NCOR1: variants seen among roughly 807,000 people sequenced by gnomAD.
NCOR1 encodes the protein protein phosphatase 1, regulatory subunit 109.
A neutral mutation model predicts 288.1 loss-of-function variants in NCOR1; 63 were observed. The observed-to-expected ratio is 0.22, with a 90% confidence interval of 0.18 to 0.27. NCOR1 has a LOEUF of 0.27. NCOR1 is among the 10% of genes least tolerant of loss of function. The probability of loss-of-function intolerance (pLI) is 1.00; values close to 1 mark genes in which losing one functional copy is unlikely to be tolerated. For missense variants in NCOR1, 2,397 were observed against 3,019.2 expected, an observed-to-expected ratio of 0.79 and a Z score of 4.83; for synonymous variants, 1,007 against 1,065.9, an observed-to-expected ratio of 0.94 and a Z score of 1.08.
chr17:16,144,682 T>C (rs1047988696), intron 10 of NCOR1, among the ~76,000 whole-genome samples: 5 of 152,130 alleles, frequency 3.3e-5, no homozygotes, highest in African/African-American at 4.8e-5. Context: ...ATAAACTTTC[T>C]TCATGATCAG....
intron 3 of NCOR1, among the ~76,000 whole-genome samples, chr17:16,186,349 C>T (rs1266155743): frequency 6.6e-6 from 1 of 152,126 alleles, no homozygotes; most frequent in Middle Eastern, 3.2e-3. Context: ...TGCCTTTCTA[C>T]TAAATAATAT....
chr17:16,119,791 C>T (rs1019889892), intron 16 of NCOR1, among the ~76,000 whole-genome samples: 1 of 151,598 alleles, frequency 6.6e-6, no homozygotes, highest in East Asian at 1.9e-4. Flanking sequence ...GTGATCTCCA[C>T]CTCTCCTCTC....
chr17:16,127,321 A>ATG lies in NCOR1; in HGVS notation c.1510-1116_1510-1115insCA, dbSNP rs2074457123. Among the ~76,000 whole-genome samples the ATG allele has an allele frequency of 2.1e-5, 2 of 96,146 alleles. 1 individual carries two copies. Among genetic ancestry groups the ATG allele is most frequent in the African/African-American group, 8.6e-5 (2 of 23,344 alleles). The allele number at this position is 96,146 out of a possible 152,430, so 63.1% of individuals were successfully genotyped here. On this transcript the variant is annotated intron_variant, in intron 14 of 45. Transcript: ENST00000268712. ...TGTATGTATATATACATGTATGTAT[A>ATG]TATGTATGTATATATACATGTATGT...
intron 15 of NCOR1, 92 bp from the exon 16 acceptor site, chr17:16,121,361 T>A (rs1436718067): frequency 9.7e-7 from 1 of 1,029,388 alleles, no homozygotes; most frequent in Non-Finnish European, 1.4e-6. Flanking sequence ...AAATAGAAAT[T>A]GAATAAAACT....
Position 16,040,447 on chromosome 17 carries a change from T to C in NCOR1, c.6727A>G (p.Thr2243Ala). 1 of 1,613,734 alleles carries C rather than the reference T, an allele frequency of 6.2e-7. No homozygotes were observed. The change falls in exon 43 of 46, where the codon ACG (threonine) becomes GCG (alanine). Residue 2243 changes from threonine to alanine, a missense_variant. By Grantham distance (58) the Thr-to-Ala change is moderately conservative. Transcript: ENST00000268712. ...AATGTCTTTTCAATCTTACCTGACG[T>C]AGTAACTGCTGGCAGATTAAAGATC... is the stretch of plus-strand genomic sequence containing the variant. ...TEIFNLPAVT[T>A]SGSVSSRGHS... is the part of the protein sequence containing the mutation.
At chr17:16,172,030 T>C (rs779187430) in intron 3 of NCOR1, 35 bp from the exon 4 acceptor site, 46 of 1,490,816 alleles carry the variant, frequency 3.1e-5, no homozygotes, top group Non-Finnish European at 4.0e-5. Context: ...ACTTGAAAAT[T>C]TGTAAGTGAT....
At chr17:16,070,656 T>C (rs2061642273) in intron 30 of NCOR1, 131 bp from the exon 31 acceptor site, 1 of 1,210,854 alleles carries the variant, frequency 8.3e-7, no homozygotes, top group East Asian at 2.4e-5. Flanking sequence ...CAAATCTCAA[T>C]CACAACCCCA....
rs138625733 is a variant in NCOR1 at position 16,154,671 on chromosome 17, T to C, written c.733-1276A>G. 7.1e-3 allele frequency among the ~76,000 whole-genome samples: 1,075 copies of C among 152,230 alleles called. 12 individuals are homozygous for C. The highest frequency in any genetic ancestry group is 0.024 in the African/African-American group (1,001 of 41,524). ...GGCCAGGCGGGTAAGCATGTAAACATCAATAAAGGCTTCGGCTATTCTGTA... is the reference window on the plus strand; with the variant it reads ...GGCCAGGCGGGTAAGCATGTAAACACCAATAAAGGCTTCGGCTATTCTGTA... On this transcript the variant is annotated intron_variant, in intron 6 of 45. Coordinates refer to ENST00000268712, the MANE Select transcript of NCOR1 (RefSeq NM_006311.4).
chr17:16,215,113 CCCA>C (rs2153636035), intron 1 of NCOR1, among the ~76,000 whole-genome samples: 1 of 152,300 alleles, frequency 6.6e-6, no homozygotes, highest in East Asian at 1.9e-4. Flanking sequence ...CCGGCCACAG[CCCA>C]TTCTTCCTCC....
chr17:16,087,205 C>G, intron 22 of NCOR1: 1 of 1,304,198 alleles, frequency 7.7e-7, no homozygotes, highest in Middle Eastern at 2.2e-4. Context: ...GCACTCATAT[C>G]AGGCTGTGGA....
intron 10 of NCOR1, among the ~76,000 whole-genome samples, chr17:16,145,231 C>CA (rs2077712783): frequency 6.6e-6 from 1 of 152,222 alleles, no homozygotes; most frequent in Non-Finnish European, 1.5e-5. Context: ...AGTGCAGTGG[C>CA]GTGATCTAGG....
intron 2 of NCOR1, among the ~76,000 whole-genome samples, chr17:16,191,169 G>A (rs1201242152): frequency 6.6e-6 from 1 of 152,162 alleles, no homozygotes; most frequent in African/African-American, 2.4e-5. Context: ...AGAACAATTA[G>A]AAGCAACTAT....
At chr17:16,169,507 G>A (rs1243029401) in intron 4 of NCOR1, among the ~76,000 whole-genome samples, 8 of 152,208 alleles carry the variant, frequency 5.3e-5, no homozygotes, top group Non-Finnish European at 1.0e-4. Context: ...GAGGTGGGCA[G>A]TTGGGAGAGA....
chr17:16,144,554 A>G (rs1226404348), intron 10 of NCOR1, among the ~76,000 whole-genome samples: 2 of 152,122 alleles, frequency 1.3e-5, no homozygotes, highest in East Asian at 1.9e-4. Flanking sequence ...TATTAAACCT[A>G]GTACCCACTA....
At chr17:16,092,691 A>AT (rs2065578838) in intron 21 of NCOR1, among the ~76,000 whole-genome samples, 2 of 10,852 alleles carry the variant, frequency 1.8e-4, no homozygotes, top group Non-Finnish European at 3.2e-4. Context: ...ATATATATAT[A>AT]TATATTTTTT....
chr17:16,186,555 T>A lies in NCOR1; in HGVS notation c.241A>T (p.Arg81Trp), dbSNP rs1415319087. 1.9e-6 allele frequency: 3 copies of A among 1,613,360 alleles called. No individual in the cohort carries two copies. The highest frequency in any genetic ancestry group is 2.2e-5 in the East Asian group (1 of 44,866). Reference sequence around the variant, plus strand: ...GAAACATAAAAGAAACCTCATTACCTGTCAGAACCTGGGTGAAATTCTGAA... The same window carrying A: ...GAAACATAAAAGAAACCTCATTACCAGTCAGAACCTGGGTGAAATTCTGAA... ...LLSEFHPGSD[R>W]PQERRTSYEP... Residue 81 changes from arginine to tryptophan, a missense_variant and splice_region_variant, in exon 3 of 46, where the codon AGG becomes TGG. Transcript: ENST00000268712.
At chr17:16,072,285 T>G in intron 28 of NCOR1, 57 bp from the exon 29 acceptor site, 1 of 1,272,832 alleles carries the variant, frequency 7.9e-7, no homozygotes. Context: ...TCAACTCACA[T>G]ATACTGAATG....
At chr17:16,159,203 CG>C (rs1568388613) in intron 5 of NCOR1, among the ~76,000 whole-genome samples, 1 of 151,936 alleles carries the variant, frequency 6.6e-6, no homozygotes, top group African/African-American at 2.4e-5. Context: ...CACCTGAGGT[CG>C]GGAGTTCGAG....
chr17:16,140,744 G>A lies in NCOR1; in HGVS notation c.1174-1558C>T, dbSNP rs1020717524. Among the ~76,000 whole-genome samples the A allele has an allele frequency of 2.0e-5, 3 of 152,268 alleles. No individual in the cohort carries two copies. In the Middle Eastern group the frequency reaches 0.01, roughly 518 times the overall value. ...GAGTAGAATCGCTTGAACCTGGGAC[G>A]CGGAGGTTGCAGTGAGCCAAGATCG... On this transcript the variant is annotated intron_variant, in intron 11 of 45. Transcript: ENST00000268712.
Sources: allele counts gnomAD v4.1 joint callset (sites outside exome capture counted in the v4.1 genomes callset), GRCh38; gene constraint gnomAD v4.1.1; transcripts MANE v1.5; gene names NCBI Gene and HGNC (gene_info 2026-07-23, HGNC 2026-07-21).